The following MEMO1 variants were observed in gnomAD, a reference collection of about 807,000 sequenced individuals.
MEMO1 encodes mediator of cell motility 1, also known as protein MEMO1.
Under a neutral mutation model 45.2 loss-of-function variants are expected in MEMO1, and 6 were observed. The ratio of observed to expected loss-of-function variants is 0.13; its 90% CI spans 0.07 to 0.26. The LOEUF is 0.26. MEMO1 is among the 10% of genes least tolerant of loss of function. The probability of loss-of-function intolerance (pLI) is 1.00; values close to 1 mark genes in which losing one functional copy is unlikely to be tolerated. For missense variants in MEMO1, 184 were observed against 370.5 expected, an observed-to-expected ratio of 0.50 and a Z score of 4.13; for synonymous variants, 78 against 124.3, an observed-to-expected ratio of 0.63 and a Z score of 2.48.
At chr2:31,900,451 G>C (rs1487232705) in intron 6 of MEMO1, among the ~76,000 whole-genome samples, 1 of 152,048 alleles carries the variant, frequency 6.6e-6, no homozygotes, top group Non-Finnish European at 1.5e-5. Flanking sequence ...AACACTGCAT[G>C]TTCTCACTCA....
chr2:31,946,220 A>C (rs1666178844), intron 2 of MEMO1, among the ~76,000 whole-genome samples: 1 of 152,166 alleles, frequency 6.6e-6, no homozygotes, highest in Admixed American at 6.5e-5. Flanking sequence ...CATTTTTGTC[A>C]ATCTGGATAT....
chr2:31,921,804 T>C (rs989994269), intron 4 of MEMO1, among the ~76,000 whole-genome samples: 10 of 152,180 alleles, frequency 6.6e-5, no homozygotes, highest in African/African-American at 2.4e-4. Flanking sequence ...AAGCTTTCTC[T>C]ATTCCCATTC....
chr2:32,002,888 A>T (rs1034038052), intron 2 of MEMO1, among the ~76,000 whole-genome samples: 1 of 152,214 alleles, frequency 6.6e-6, no homozygotes, highest in Non-Finnish European at 1.5e-5. Context: ...TCAGGCAATC[A>T]TATCAACAGT....
chr2:31,999,032 T>A (rs1019068465), intron 2 of MEMO1, among the ~76,000 whole-genome samples: 1 of 152,212 alleles, frequency 6.6e-6, no homozygotes, highest in Non-Finnish European at 1.5e-5. Flanking sequence ...TGCTCAGGGA[T>A]AAACCTTAAG....
At chr2:31,931,374 C>G (rs538952680) in intron 4 of MEMO1, among the ~76,000 whole-genome samples, 1 of 152,106 alleles carries the variant, frequency 6.6e-6, no homozygotes, top group Non-Finnish European at 1.5e-5. Context: ...CTAAGATGAT[C>G]GCTTTACCTA....
chr2:31,918,764 A>G lies in MEMO1; in HGVS notation c.326-727T>C, dbSNP rs138388787. ...TAACATGTAAAAAATATGTATAAGA[A>G]TATTTTTAGCATAGAATAGAACCAA... On this transcript the variant is annotated intron_variant, in intron 5 of 9. Coordinates refer to ENST00000404530, the MANE Select transcript of MEMO1 (RefSeq NM_001301833.4). 1.6e-4 allele frequency among the ~76,000 whole-genome samples: 25 copies of G among 152,270 alleles called. 1 individual carries two copies. In the East Asian group the frequency reaches 4.6e-3, roughly 28 times the overall value.
chr2:31,970,212 C>A (rs1320003797), intron 2 of MEMO1, among the ~76,000 whole-genome samples: 1 of 152,088 alleles, frequency 6.6e-6, no homozygotes, highest in Non-Finnish European at 1.5e-5. Context: ...CTCAAGCAAT[C>A]CGCCACCTCG....
At chr2:31,915,605 T>G in intron 6 of MEMO1, among the ~76,000 whole-genome samples, 1 of 147,872 alleles carries the variant, frequency 6.8e-6, no homozygotes. Flanking sequence ...TTCTAGAGAG[T>G]AGCAAAAAAA....
chr2:31,919,629 G>A (rs1681970191), intron 5 of MEMO1, among the ~76,000 whole-genome samples: 1 of 151,836 alleles, frequency 6.6e-6, no homozygotes, highest in African/African-American at 2.4e-5. Flanking sequence ...GATCAGCCTG[G>A]GCAACATAGC....
chr2:32,002,208 T>C (rs1371243958), intron 2 of MEMO1, among the ~76,000 whole-genome samples: 6 of 137,870 alleles, frequency 4.4e-5, no homozygotes, highest in African/African-American at 1.6e-4. Context: ...CACACATGTA[T>C]ATACGTATAT....
At chr2:31,949,233 C>CAAAAA (rs1309300406) in intron 2 of MEMO1, among the ~76,000 whole-genome samples, 2 of 152,080 alleles carry the variant, frequency 1.3e-5, no homozygotes, top group African/African-American at 4.8e-5. Context: ...ATTGAGCTAC[C>CAAAAA]ATAGGATCCA....
At chr2:31,883,040 G>A (rs184287588) in intron 8 of MEMO1, among the ~76,000 whole-genome samples, 6 of 152,196 alleles carry the variant, frequency 3.9e-5, no homozygotes, top group Non-Finnish European at 8.8e-5. Context: ...ACAGGAATTA[G>A]AGTCAAGGTA....
chr2:31,910,391 T>C (rs982920979), intron 6 of MEMO1, among the ~76,000 whole-genome samples: 3 of 152,360 alleles, frequency 2.0e-5, no homozygotes, highest in South Asian at 2.1e-4. Context: ...TTTTTTCTTA[T>C]TCTTAATTGA....
chr2:31,889,327 T>C (rs564682501), intron 7 of MEMO1, among the ~76,000 whole-genome samples: 9 of 152,236 alleles, frequency 5.9e-5, no homozygotes, highest in Admixed American at 5.9e-4. Flanking sequence ...TTAAGACCTC[T>C]GCATGCATGA....
chr2:31,882,334 G>C (rs1331564957), intron 8 of MEMO1, among the ~76,000 whole-genome samples: 1 of 151,788 alleles, frequency 6.6e-6, no homozygotes, highest in Admixed American at 6.6e-5. Context: ...AAGGAAAAAA[G>C]AAATATCTTA....
intron 3 of MEMO1, among the ~76,000 whole-genome samples, chr2:31,938,050 A>G (rs1207228221): frequency 6.6e-6 from 1 of 152,314 alleles, no homozygotes; most frequent in East Asian, 1.9e-4. Context: ...AAGGTAAGGT[A>G]GTTCTGAATT....
intron 6 of MEMO1, among the ~76,000 whole-genome samples, chr2:31,902,323 G>A (rs1678973842): frequency 6.6e-6 from 1 of 151,910 alleles, no homozygotes; most frequent in Non-Finnish European, 1.5e-5. Flanking sequence ...ATTTGAACCT[G>A]GGAGGTGGAG....
chr2:31,880,491 T>A (rs891203933), intron 8 of MEMO1, among the ~76,000 whole-genome samples: 3 of 152,218 alleles, frequency 2.0e-5, no homozygotes, highest in Admixed American at 1.3e-4. Flanking sequence ...TATATTCTAT[T>A]TATACATTCA....
chr2:31,917,191 T>C (rs926551812), intron 6 of MEMO1, among the ~76,000 whole-genome samples: 7 of 152,196 alleles, frequency 4.6e-5, no homozygotes, highest in African/African-American at 1.7e-4. Context: ...TACTTAGAAC[T>C]GCCAAACTAA....
Sources: allele counts gnomAD v4.1 joint callset (sites outside exome capture counted in the v4.1 genomes callset), GRCh38; gene constraint gnomAD v4.1.1; transcripts MANE v1.5; gene names NCBI Gene and HGNC (gene_info 2026-07-23, HGNC 2026-07-21).